ADAMTS5: variants seen among roughly 807,000 people sequenced by gnomAD.
ADAMTS5 encodes the protein A disintegrin and metalloproteinase with thrombospondin motifs 5.
A neutral mutation model predicts 81.4 loss-of-function variants in ADAMTS5; 54 were observed. The observed-to-expected ratio is 0.66, with a 90% CI of 0.53 to 0.83. The LOEUF (loss-of-function observed/expected upper bound fraction) is 0.83, where lower values mean the gene tolerates loss of function less well. ADAMTS5 is among the 40% of genes least tolerant of loss of function. ADAMTS5 has a pLI of 0.00. For missense variants in ADAMTS5, 1,194 were observed against 1,229.9 expected (o/e 0.97, Z 0.44); for synonymous variants, 532 against 508.8 (o/e 1.05, Z -0.61).
intron 2 of ADAMTS5, among the ~76,000 whole-genome samples, chr21:26,949,136 G>GATAT (rs35477486): frequency 0.034 from 4,929 of 145,110 alleles, 105 homozygotes; most frequent in South Asian, 0.054. Flanking sequence ...AGTAATCAGT[G>GATAT]ATATATATAT....
At chr21:26,954,564 G>T (rs1279570276) in intron 2 of ADAMTS5, among the ~76,000 whole-genome samples, 175 bp downstream of exon 2, 1 of 152,148 alleles carries the variant, frequency 6.6e-6, no homozygotes, top group Non-Finnish European at 1.5e-5. Flanking sequence ...TGCTGACTTT[G>T]CCTTCCCTGT....
intron 4 of ADAMTS5, among the ~76,000 whole-genome samples, chr21:26,933,891 A>C (rs982643277): frequency 1.3e-5 from 2 of 152,192 alleles, no homozygotes; most frequent in Non-Finnish European, 2.9e-5. Context: ...GTTGAGAGCG[A>C]GCACTTATTT....
Position 26,965,600 on chromosome 21 carries a change from G to A in ADAMTS5, c.792C>T (p.Ser264=). The A allele has an allele frequency of 1.9e-6, 3 of 1,603,492 alleles. No homozygotes were observed. The highest frequency in any genetic ancestry group is 1.1e-5 in the South Asian group (1 of 90,524). Residue 264 remains serine (S), a synonymous_variant, in exon 1 of 8, where the codon TCC becomes TCT. Transcript: ENST00000284987. The part of the protein sequence containing the change: ...TWWRRRRRSI[S]RARQVELLLV... Reference sequence around the variant, plus strand: ...GAAGCAGCTCCACCTGGCGGGCCCGGGAGATGGAGCGGCGCCGCCGCCGCC... The same window carrying A: ...GAAGCAGCTCCACCTGGCGGGCCCGAGAGATGGAGCGGCGCCGCCGCCGCC...
chr21:26,940,672 T>C (rs867676794), intron 3 of ADAMTS5, among the ~76,000 whole-genome samples: 1 of 152,266 alleles, frequency 6.6e-6, no homozygotes, highest in Middle Eastern at 3.4e-3. Context: ...GGGCTCTGAG[T>C]GGAAGCCTGT....
Position 26,924,000 on chromosome 21 carries a change from G to T in ADAMTS5, c.*53C>A. ...GGTAGACCTCCTGTTCACCACGACT[G>T]CATCAGTGCTGAATCCTCCAGTTAT... On this transcript the variant is annotated 3_prime_UTR_variant, in exon 8 of 8. Coordinates refer to ENST00000284987, the MANE Select transcript of ADAMTS5 (RefSeq NM_007038.5). 6.6e-7 allele frequency: 1 copy of T among 1,514,314 alleles called. No individual in the cohort carries two copies. The highest frequency in any genetic ancestry group is 8.9e-7 in the Non-Finnish European group (1 of 1,123,920). The allele number at this position is 1,514,314 out of a possible 1,614,324, so 93.8% of individuals were successfully genotyped here. A position where few individuals can be genotyped will look rare whatever the true frequency, so the allele number is the denominator to read the frequency against.
chr21:26,935,415 G>T (rs1189040506), intron 3 of ADAMTS5, among the ~76,000 whole-genome samples: 1 of 152,126 alleles, frequency 6.6e-6, no homozygotes, highest in East Asian at 1.9e-4. Flanking sequence ...AAGTCACAGA[G>T]ATAAAGTATT....
chr21:26,929,122 T>A (rs1290507197), intron 7 of ADAMTS5, among the ~76,000 whole-genome samples: 1 of 152,232 alleles, frequency 6.6e-6, no homozygotes, highest in Non-Finnish European at 1.5e-5. Flanking sequence ...TAATAAATCC[T>A]ATTGTTAATT....
chr21:26,937,783 A>C (rs1987040845), intron 3 of ADAMTS5, among the ~76,000 whole-genome samples: 1 of 152,128 alleles, frequency 6.6e-6, no homozygotes. Flanking sequence ...TTTTTTCTTA[A>C]TCTGTTTTAA....
intron 1 of ADAMTS5, 116 bp downstream of exon 1, chr21:26,965,172 T>G (rs1309502971): frequency 1.1e-5 from 15 of 1,421,650 alleles, no homozygotes; most frequent in Admixed American, 2.2e-5. Context: ...CAAGAAGCAG[T>G]TAAACACATC....
intron 1 of ADAMTS5, 23 bp downstream of exon 1, chr21:26,965,265 C>G (rs754128946): frequency 6.3e-6 from 10 of 1,590,432 alleles, no homozygotes; most frequent in Non-Finnish European, 8.6e-6. Context: ...GCGCTGGGAC[C>G]CCCGCATCCC....
intron 3 of ADAMTS5, 31 bp downstream of exon 3, chr21:26,943,349 C>G (rs376361975): frequency 1.3e-6 from 2 of 1,577,906 alleles, no homozygotes; most frequent in Non-Finnish European, 1.7e-6. Context: ...AATTTTGTTT[C>G]TCAGTCTGTG....
rs1451368853 is a variant in ADAMTS5 at position 26,919,322 on chromosome 21, C to T, written c.*4731G>A. On this transcript the variant is annotated 3_prime_UTR_variant, in exon 8 of 8. Coordinates refer to ENST00000284987, the MANE Select transcript of ADAMTS5 (RefSeq NM_007038.5). ...CAGTACCTTACAGGATGAGGGGCCA[C>T]TGCTCGTTTTTTCCATTTGACCTTT... 1 of 151,390 alleles carries T rather than the reference C, an allele frequency of 6.6e-6. No individual in the cohort carries two copies. The highest frequency in any genetic ancestry group is 1.9e-4 in the East Asian group (1 of 5,150). The allele number at this position is 151,390 out of a possible 1,614,324, so 9.4% of individuals were successfully genotyped here. A position where few individuals can be genotyped will look rare whatever the true frequency, so the allele number is the denominator to read the frequency against.
At chr21:26,962,911 T>C (rs533734112) in intron 1 of ADAMTS5, among the ~76,000 whole-genome samples, 2 of 152,248 alleles carry the variant, frequency 1.3e-5, no homozygotes, top group East Asian at 3.9e-4. Context: ...TCACTTTGCA[T>C]TGTGAAATAC....
chr21:26,957,507 T>G (rs1419835846), intron 1 of ADAMTS5, among the ~76,000 whole-genome samples: 1 of 152,140 alleles, frequency 6.6e-6, no homozygotes, highest in African/African-American at 2.4e-5. Context: ...CAGGAGATAC[T>G]GGAGAGATGT....
intron 1 of ADAMTS5, among the ~76,000 whole-genome samples, chr21:26,955,079 A>G (rs1431686020): frequency 6.6e-6 from 1 of 152,170 alleles, no homozygotes; most frequent in African/African-American, 2.4e-5. Context: ...AATGGAACTC[A>G]ATTACATTTA....
At position 26,965,504 on chromosome 21, in the gene ADAMTS5, G is replaced by A; in HGVS notation, c.888C>T (p.Ser296=). 1.9e-6 allele frequency: 3 copies of A among 1,614,108 alleles called. No individual in the cohort carries two copies. In the East Asian group the frequency reaches 6.7e-5, roughly 36 times the overall value. ...GLQHYLLTLA[S]IANRLYSHAS... is the part of the protein sequence containing the mutation. ...CATGGCTGTACAGCCTATTGGCGATGGAGGCCAGGGTCAGCAGGTAATGCT... is the reference window on the plus strand; with the variant it reads ...CATGGCTGTACAGCCTATTGGCGATAGAGGCCAGGGTCAGCAGGTAATGCT... Residue 296 remains serine, a synonymous_variant, in exon 1 of 8, where the codon TCC becomes TCT. Coordinates refer to ENST00000284987, the MANE Select transcript of ADAMTS5 (RefSeq NM_007038.5).
In ADAMTS5 at chr21:26,965,553, G is replaced by T; in HGVS notation, c.839C>A (p.Ala280Glu). The change falls in exon 1 of 8, where the codon GCG becomes GAG. Residue 280 changes from alanine (A) to glutamate (E), a missense_variant. This residue lies in a region of ADAMTS5 where 498 missense variants were observed against 412.3 expected (regional missense o/e 1.21). Transcript: ENST00000284987. ...CTGCAGGCCCCGGCCATACAACCGC[G>T]CCATGGACGCGTCAGCCACCAGAAG... ...ELLLVADASM[A>E]RLYGRGLQHY... 2 of 1,611,682 alleles carry T rather than the reference G, an allele frequency of 1.2e-6. No individual in the cohort carries two copies. Among genetic ancestry groups the T allele is most frequent in the South Asian group, 1.1e-5 (1 of 91,026 alleles).
At chr21:26,926,642 T>C (rs1177074974) in intron 7 of ADAMTS5, among the ~76,000 whole-genome samples, 2 of 142,930 alleles carry the variant, frequency 1.4e-5, no homozygotes, top group African/African-American at 5.3e-5. Flanking sequence ...TATTCCAGCC[T>C]GGGCAACAGA....
At chr21:26,955,089 A>T (rs1987398792) in intron 1 of ADAMTS5, among the ~76,000 whole-genome samples, 1 of 152,196 alleles carries the variant, frequency 6.6e-6, no homozygotes, top group Non-Finnish European at 1.5e-5. Context: ...AATTACATTT[A>T]AAAAGATGTC....
Sources: allele counts gnomAD v4.1 joint callset (sites outside exome capture counted in the v4.1 genomes callset), GRCh38; gene constraint gnomAD v4.1.1; regional missense constraint gnomAD v4.1.1; transcripts MANE v1.5; gene names NCBI Gene and HGNC (gene_info 2026-07-23, HGNC 2026-07-21).